The following GHR variants were observed in gnomAD, a reference collection of about 807,000 sequenced individuals.
The protein encoded by GHR is growth hormone receptor.
GHR carries 35 observed loss-of-function variants against 67.1 expected under a neutral mutation model. The ratio of observed to expected loss-of-function variants is 0.52; its 90% CI spans 0.40 to 0.69. GHR has a LOEUF of 0.69. Ranked by LOEUF, GHR falls within the 30% of genes least tolerant of loss-of-function variation. GHR has a pLI of 0.00. For synonymous variants in GHR, 272 were observed against 269.1 expected (o/e 1.01, Z -0.10); for missense variants, 792 against 764.6 (o/e 1.04, Z -0.42).
chr5:42,705,282 C>G (rs1433698999), intron 6 of GHR, among the ~76,000 whole-genome samples: 1 of 151,814 alleles, frequency 6.6e-6, no homozygotes, highest in African/African-American at 2.4e-5. Context: ...TCTTTGTTTT[C>G]TGATGGAGGC....
At chr5:42,716,904 T>A (rs1758751455) in intron 8 of GHR, among the ~76,000 whole-genome samples, 1 of 152,226 alleles carries the variant, frequency 6.6e-6, no homozygotes, top group African/African-American at 2.4e-5. Context: ...GGTTACCACC[T>A]CTTCATGACA....
chr5:42,593,073 C>A (rs1262109184), intron 2 of GHR, among the ~76,000 whole-genome samples: 4 of 152,070 alleles, frequency 2.6e-5, no homozygotes, highest in African/African-American at 9.7e-5. Flanking sequence ...GACATCATTC[C>A]TATGAAAATG....
chr5:42,648,697 AG>A (rs963690722), intron 3 of GHR, among the ~76,000 whole-genome samples: 22 of 151,120 alleles, frequency 1.5e-4, no homozygotes, highest in African/African-American at 4.6e-4. Flanking sequence ...TAGTACTAGT[AG>A]TAGTAGTAGT....
At chr5:42,605,328 G>A (rs1324458583) in intron 2 of GHR, among the ~76,000 whole-genome samples, 1 of 151,792 alleles carries the variant, frequency 6.6e-6, no homozygotes, top group African/African-American at 2.4e-5. Flanking sequence ...CTGGTGTCGA[G>A]CTCCCGACCT....
chr5:42,541,625 G>A (rs1748522319), intron 1 of GHR, among the ~76,000 whole-genome samples: 1 of 152,154 alleles, frequency 6.6e-6, no homozygotes, highest in South Asian at 2.1e-4. Flanking sequence ...TGGGAATAAG[G>A]AGATTCAAAA....
At chr5:42,587,685 T>C (rs1174368668) in intron 2 of GHR, among the ~76,000 whole-genome samples, 2 of 152,082 alleles carry the variant, frequency 1.3e-5, no homozygotes, top group Non-Finnish European at 2.9e-5. Flanking sequence ...TTTTTTTTGT[T>C]TTTTTAAGAA....
At chr5:42,461,214 G>A (rs181499582) in intron 1 of GHR, among the ~76,000 whole-genome samples, 17 of 152,174 alleles carry the variant, frequency 1.1e-4, no homozygotes, top group Non-Finnish European at 4.4e-5. Context: ...AGGCAGGCTG[G>A]CTGTACTTTG....
chr5:42,660,331 C>A (rs1279681557), intron 3 of GHR, among the ~76,000 whole-genome samples: 1 of 152,138 alleles, frequency 6.6e-6, no homozygotes, highest in East Asian at 1.9e-4. Flanking sequence ...GACCCCTGAC[C>A]CCTGAGCAGC....
intron 2 of GHR, among the ~76,000 whole-genome samples, chr5:42,592,592 G>T (rs1313442004): frequency 2.0e-5 from 3 of 152,204 alleles, no homozygotes; most frequent in Non-Finnish European, 2.9e-5. Flanking sequence ...CACAGGACAT[G>T]AGCTCATTTT....
intron 2 of GHR, among the ~76,000 whole-genome samples, chr5:42,616,100 G>A (rs372573240): frequency 3.6e-4 from 55 of 151,968 alleles, no homozygotes; most frequent in African/African-American, 1.3e-3. Context: ...GCCATGATAA[G>A]GAATTTGGAC....
intron 2 of GHR, among the ~76,000 whole-genome samples, chr5:42,610,734 G>A (rs1156516232): frequency 6.6e-6 from 1 of 152,076 alleles, no homozygotes; most frequent in Non-Finnish European, 1.5e-5. Context: ...GAAAGAGGTA[G>A]GGAGGGAGGG....
At position 42,462,573 on chromosome 5, in the gene GHR, A is replaced by T. The variant is rs73753408; in HGVS notation, c.-12+38618A>T. On this transcript the variant is annotated intron_variant, in intron 1 of 9. Coordinates refer to ENST00000230882, the MANE Select transcript of GHR (RefSeq NM_000163.5). ...TCAAATAGATAATGAGATTATATAAATAATTACCTTATATAAACATAAGGT... is the reference window on the plus strand; with the variant it reads ...TCAAATAGATAATGAGATTATATAATTAATTACCTTATATAAACATAAGGT... 8.6e-3 allele frequency among the ~76,000 whole-genome samples: 1,306 copies of T among 152,300 alleles called. 14 individuals carry two copies. The highest frequency in any genetic ancestry group is 0.03 in the African/African-American group (1,233 of 41,562).
rs1744624481 is a variant in GHR, at chr5:42,464,119, T to G, written c.-12+40164T>G. ...TTCAGTCAGAGCTGGTACTAGATGCTCAGTCTTCTGACTTCTAATTTAGTT... is the reference window on the plus strand; with the variant it reads ...TTCAGTCAGAGCTGGTACTAGATGCGCAGTCTTCTGACTTCTAATTTAGTT... On this transcript the variant is annotated intron_variant, in intron 1 of 9. Coordinates refer to ENST00000230882, the MANE Select transcript of GHR (RefSeq NM_000163.5). Among the ~76,000 whole-genome samples, 8 of 147,220 alleles carry G rather than the reference T, an allele frequency of 5.4e-5. No homozygotes were observed. In the Admixed American group the frequency reaches 5.4e-4, roughly 10 times the overall value.
At chr5:42,637,215 A>G (rs915539022) in intron 3 of GHR, among the ~76,000 whole-genome samples, 2 of 152,194 alleles carry the variant, frequency 1.3e-5, no homozygotes, top group Admixed American at 1.3e-4. Flanking sequence ...GACACAGAGC[A>G]TAGGTCCACA....
Position 42,718,629 on chromosome 5 carries a change from T to C in GHR, c.1122T>C (p.His374=), listed in dbSNP as rs375139227. The C allele has an allele frequency of 6.2e-7, 1 of 1,613,908 alleles. No homozygotes were observed. The highest frequency in any genetic ancestry group is 8.5e-7 in the Non-Finnish European group (1 of 1,179,952). ...TAAGCAGTGACCATGAGAAATCACATAGTAACCTAGGGGTGAAGGATGGCG... is the reference window on the plus strand; with the variant it reads ...TAAGCAGTGACCATGAGAAATCACACAGTAACCTAGGGGTGAAGGATGGCG... ...RLLSSDHEKS[H]SNLGVKDGDS... The change falls in exon 10 of 10, where the codon CAT becomes CAC. Residue 374 remains histidine, a synonymous_variant. Coordinates refer to ENST00000230882, the MANE Select transcript of GHR (RefSeq NM_000163.5).
chr5:42,626,799 C>T (rs1376885265), intron 2 of GHR, among the ~76,000 whole-genome samples: 2 of 152,190 alleles, frequency 1.3e-5, no homozygotes, highest in Non-Finnish European at 2.9e-5. Context: ...CCAGTAGTTT[C>T]ACTGGGAGGT....
intron 1 of GHR, among the ~76,000 whole-genome samples, chr5:42,495,125 T>G (rs376572074): frequency 1.8e-4 from 27 of 151,738 alleles, no homozygotes; most frequent in African/African-American, 6.5e-4. Flanking sequence ...TTATAAGGTG[T>G]AGATATTGCT....
chr5:42,680,503 T>C (rs1756807072), intron 3 of GHR, among the ~76,000 whole-genome samples: 1 of 151,966 alleles, frequency 6.6e-6, no homozygotes, highest in Non-Finnish European at 1.5e-5. Flanking sequence ...TTATAAACAT[T>C]GCAAAACACT....
chr5:42,553,096 G>T (rs1346028357), intron 1 of GHR, among the ~76,000 whole-genome samples: 3 of 152,112 alleles, frequency 2.0e-5, no homozygotes, highest in African/African-American at 7.2e-5. Context: ...ACTCTTAAAG[G>T]CTGTAGTAGT....
Sources: gnomAD v4.1 joint callset for allele counts (sites outside exome capture counted in the v4.1 genomes callset) on GRCh38, gnomAD v4.1.1 for gene constraint, MANE v1.5 for transcripts, NCBI Gene and HGNC (gene_info 2026-07-23, HGNC 2026-07-21) for gene names.